Variants in APBA2 observed in about 807,000 individuals in gnomAD.
APBA2 encodes the protein amyloid beta precursor protein binding family A member 2, also known as amyloid-beta A4 precursor protein-binding family A member 2.
A neutral mutation model predicts 75.0 loss-of-function variants in APBA2; 30 were observed. That is an observed-to-expected ratio of 0.40 (90% confidence interval 0.30 to 0.54). APBA2 has a LOEUF of 0.54. APBA2 is among the 20% of genes least tolerant of loss of function. APBA2 has a pLI of 0.49. For synonymous variants in APBA2, 444 were observed against 409.6 expected (o/e 1.08, Z -1.01); for missense variants, 801 against 1,016.1 (o/e 0.79, Z 2.88).
chr15:28,948,416 A>C lies in APBA2; in HGVS notation c.-95+26667A>C, dbSNP rs548627052. On this transcript the variant is annotated intron_variant, in intron 2 of 14. Transcript: ENST00000683413. ...AAAATTAAAACTCTGGGAGCTTGAG[A>C]CTGAGGTAAAGTCCCCTTTCGTAGA... 8.6e-5 allele frequency among the ~76,000 whole-genome samples: 13 copies of C among 150,892 alleles called. No individual in the cohort carries two copies. The Middle Eastern group carries it at 0.01, about 122-fold the overall frequency.
chr15:29,073,056 A>G (rs1292187166), intron 4 of APBA2, among the ~76,000 whole-genome samples: 3 of 152,218 alleles, frequency 2.0e-5, no homozygotes, highest in Non-Finnish European at 4.4e-5. Context: ...GCCAGCAATC[A>G]TTCCAACTAC....
chr15:28,998,185 CTTAT>C (rs2038637214), intron 3 of APBA2, among the ~76,000 whole-genome samples: 1 of 147,084 alleles, frequency 6.8e-6, no homozygotes, highest in Admixed American at 6.8e-5. Flanking sequence ...AGGCTCTTTT[CTTAT>C]TCTTCTTTTT....
Position 29,075,931 on chromosome 15 carries a change from C to T in APBA2, c.1033-124C>T. On this transcript the variant is annotated intron_variant, in intron 5 of 14. Coordinates refer to ENST00000683413, the MANE Select transcript of APBA2 (RefSeq NM_001353788.2). ...GTATGGAGCTGACATCTTCAGAACACCATCACTCATGGGGGGTTTGCTTTT... is the reference window on the plus strand; with the variant it reads ...GTATGGAGCTGACATCTTCAGAACATCATCACTCATGGGGGGTTTGCTTTT... 5 of 855,788 alleles carry T rather than the reference C, an allele frequency of 5.8e-6. 1 individual carries two copies. The South Asian group carries it at 7.0e-5, about 12-fold the overall frequency. The allele number at this position is 855,788 out of a possible 1,614,324, so 53.0% of individuals were successfully genotyped here.
At chr15:29,106,913 A>ATGGGTGAAGTGGGG in intron 12 of APBA2, 94 bp downstream of exon 12, 1 of 1,228,650 alleles carries the variant, frequency 8.1e-7, no homozygotes, top group Non-Finnish European at 1.2e-6. Context: ...TGCAATCCCC[A>ATGGGTGAAGTGGGG]CTTCACCCAT....
chr15:29,065,643 G>A (rs1177622315), intron 4 of APBA2, among the ~76,000 whole-genome samples: 1 of 152,144 alleles, frequency 6.6e-6, no homozygotes, highest in African/African-American at 2.4e-5. Context: ...CCACACCCAC[G>A]TCTGCCCCCA....
chr15:28,915,919 G>GT (rs1317497564), intron 1 of APBA2, among the ~76,000 whole-genome samples: 1 of 150,264 alleles, frequency 6.7e-6, no homozygotes, highest in African/African-American at 2.5e-5. Context: ...ATACTACACA[G>GT]TTACCACATA....
intron 2 of APBA2, among the ~76,000 whole-genome samples, chr15:28,952,088 C>T (rs996610694): frequency 6.6e-6 from 1 of 151,622 alleles, no homozygotes; most frequent in Non-Finnish European, 1.5e-5. Context: ...TTTGAATGCA[C>T]GACCCCATCT....
intron 2 of APBA2, among the ~76,000 whole-genome samples, chr15:28,940,210 C>A (rs148875058): frequency 4.6e-5 from 7 of 151,930 alleles, no homozygotes; most frequent in African/African-American, 1.4e-4. Flanking sequence ...AAAGGTGCTG[C>A]GGGTTAAGAA....
chr15:29,038,059 C>T (rs1272566729), intron 3 of APBA2, among the ~76,000 whole-genome samples: 1 of 152,228 alleles, frequency 6.6e-6, no homozygotes, highest in East Asian at 1.9e-4. Flanking sequence ...GTCCTGCACC[C>T]TGGGCCCAGT....
chr15:29,028,854 T>G, intron 3 of APBA2, among the ~76,000 whole-genome samples: 1 of 152,208 alleles, frequency 6.6e-6, no homozygotes, highest in East Asian at 1.9e-4. Context: ...TTAATGGGGT[T>G]GTTTGGGTTT....
At chr15:28,942,579 G>C in intron 2 of APBA2, among the ~76,000 whole-genome samples, 1 of 152,190 alleles carries the variant, frequency 6.6e-6, no homozygotes, top group East Asian at 1.9e-4. Context: ...CCCACCCTGA[G>C]GTCGGTTGTT....
Position 29,012,526 on chromosome 15 carries a change from T to G in APBA2, c.-41+16720T>G, listed in dbSNP as rs184031240. 3.3e-4 allele frequency among the ~76,000 whole-genome samples: 50 copies of G among 152,344 alleles called. 2 individuals are homozygous for G. In the East Asian group the frequency reaches 6.6e-3, roughly 20 times the overall value. ...GCACCATCTCCATGAGGGAACAGTA[T>G]CTACACAAATTATTTGCAATTCTGC... On this transcript the variant is annotated intron_variant, in intron 3 of 14. Transcript: ENST00000683413.
intron 3 of APBA2, among the ~76,000 whole-genome samples, chr15:29,013,576 C>T (rs151249913): frequency 2.7e-3 from 416 of 152,252 alleles, no homozygotes; most frequent in African/African-American, 9.5e-3. Flanking sequence ...CCACCGCCCC[C>T]GGCCGAAAAT....
At chr15:28,990,033 G>A (rs1177180708) in intron 2 of APBA2, among the ~76,000 whole-genome samples, 1 of 152,220 alleles carries the variant, frequency 6.6e-6, no homozygotes, top group Non-Finnish European at 1.5e-5. Context: ...GCGGGGAACT[G>A]TGTTCCTGTC....
At chr15:29,097,466 A>G (rs2043905080) in intron 8 of APBA2, among the ~76,000 whole-genome samples, 1 of 152,246 alleles carries the variant, frequency 6.6e-6, no homozygotes, top group Non-Finnish European at 1.5e-5. Context: ...TCTGATGGCC[A>G]GTAGCATTTC....
chr15:28,983,301 G>T (rs1050766641), intron 2 of APBA2, among the ~76,000 whole-genome samples: 1 of 152,178 alleles, frequency 6.6e-6, no homozygotes, highest in Non-Finnish European at 1.5e-5. Context: ...TTTTGAAAAT[G>T]AAATTCATTT....
chr15:28,942,392 G>A (rs780137546), intron 2 of APBA2, among the ~76,000 whole-genome samples: 1 of 152,190 alleles, frequency 6.6e-6, no homozygotes, highest in Non-Finnish European at 1.5e-5. Flanking sequence ...GTTGTTGGCT[G>A]TGACTTCATT....
intron 6 of APBA2, among the ~76,000 whole-genome samples, chr15:29,091,565 TA>T (rs2043573602): frequency 6.6e-6 from 1 of 152,190 alleles, no homozygotes; most frequent in Non-Finnish European, 1.5e-5. Flanking sequence ...CAAGAATTTA[TA>T]ATACATTTAT....
At chr15:28,967,689 C>T (rs763300215) in intron 2 of APBA2, among the ~76,000 whole-genome samples, 7 of 152,174 alleles carry the variant, frequency 4.6e-5, no homozygotes, top group African/African-American at 7.2e-5. Flanking sequence ...CCACCCGCCT[C>T]GGCCTCCCAA....
Sources: allele counts gnomAD v4.1 joint callset (sites outside exome capture counted in the v4.1 genomes callset), GRCh38; gene constraint gnomAD v4.1.1; transcripts MANE v1.5; gene names NCBI Gene and HGNC (gene_info 2026-07-23, HGNC 2026-07-21).